Variants in ATP9B observed in about 807,000 individuals in gnomAD.
The protein encoded by ATP9B is ATPase phospholipid transporting 9B.
ATP9B carries 110 observed loss-of-function variants against 146.1 expected under a neutral mutation model. The ratio of observed to expected loss-of-function variants is 0.75; its 90% CI spans 0.65 to 0.88. The LOEUF (loss-of-function observed/expected upper bound fraction) is 0.88. ATP9B is among the 40% of genes least tolerant of loss of function. The pLI, the probability that ATP9B is intolerant of heterozygous loss-of-function variation, is 0.00. For synonymous variants in ATP9B, 604 were observed against 569.7 expected, an observed-to-expected ratio of 1.06 and a Z score of -0.86; for missense variants, 1,499 against 1,496.4, an observed-to-expected ratio of 1.00 and a Z score of -0.03.
chr18:79,087,437 G>A (rs1054978156), intron 1 of ATP9B: 1 of 152,200 alleles, frequency 6.6e-6, no homozygotes, highest in Non-Finnish European at 1.5e-5. Flanking sequence ...ACTTATCAAT[G>A]ACAGTTGAAA....
chr18:79,179,811 G>C (rs1486988512), intron 8 of ATP9B, among the ~76,000 whole-genome samples: 1 of 152,146 alleles, frequency 6.6e-6, no homozygotes, highest in East Asian at 1.9e-4. Context: ...CAAGCTAATG[G>C]AAAGTGTTGT....
chr18:79,329,622 TA>T, intron 16 of ATP9B, among the ~76,000 whole-genome samples: 1 of 152,338 alleles, frequency 6.6e-6, no homozygotes, highest in African/African-American at 2.4e-5. Context: ...TTGACTTTTG[TA>T]CATTGATTTA....
chr18:79,071,422 G>T (rs369609561), intron 1 of ATP9B, among the ~76,000 whole-genome samples: 1 of 12,864 alleles, frequency 7.8e-5, no homozygotes, highest in African/African-American at 2.1e-4. Flanking sequence ...TTGAGACAGG[G>T]TCTCACTCTG....
At chr18:79,348,306 C>A (rs1238054380) in intron 25 of ATP9B, 110 bp downstream of exon 25, 3 of 1,055,986 alleles carry the variant, frequency 2.8e-6, no homozygotes, top group South Asian at 1.4e-5. Flanking sequence ...ATACAGTCAT[C>A]ATTTAGAATG....
At chr18:79,204,198 A>T (rs2095514336) in intron 9 of ATP9B, among the ~76,000 whole-genome samples, 1 of 152,178 alleles carries the variant, frequency 6.6e-6, no homozygotes, top group Admixed American at 6.5e-5. Context: ...TTTCTGTGGA[A>T]AAAACAAGAA....
intron 13 of ATP9B, among the ~76,000 whole-genome samples, chr18:79,298,203 TTATC>T (rs944163035): frequency 1.4e-5 from 2 of 146,744 alleles, no homozygotes; most frequent in African/African-American, 2.5e-5. Flanking sequence ...GATGGAATAA[TTATC>T]TACCTAGAAA....
At chr18:79,302,706 A>G (rs908364251) in intron 13 of ATP9B, among the ~76,000 whole-genome samples, 3 of 152,178 alleles carry the variant, frequency 2.0e-5, no homozygotes, top group Non-Finnish European at 4.4e-5. Context: ...GCACATTCAG[A>G]TAGCCCAGTA....
At chr18:79,131,175 G>C (rs778254418) in intron 5 of ATP9B, among the ~76,000 whole-genome samples, 1 of 151,996 alleles carries the variant, frequency 6.6e-6, no homozygotes, top group Admixed American at 6.6e-5. Flanking sequence ...AAAAAAAGTT[G>C]TTAAGACATT....
intron 13 of ATP9B, among the ~76,000 whole-genome samples, chr18:79,303,141 C>T (rs1423783989): frequency 6.6e-6 from 1 of 152,094 alleles, no homozygotes; most frequent in Admixed American, 6.5e-5. Flanking sequence ...TTTAGGAGGC[C>T]AAGACAGAAG....
intron 26 of ATP9B, among the ~76,000 whole-genome samples, chr18:79,370,017 T>G (rs1302467111): frequency 6.6e-6 from 1 of 152,152 alleles, no homozygotes; most frequent in African/African-American, 2.4e-5. Flanking sequence ...GAGAATCGCT[T>G]GAACCTGGGA....
At chr18:79,321,382 CA>C (rs1285832294) in intron 15 of ATP9B, among the ~76,000 whole-genome samples, 3 of 85,896 alleles carry the variant, frequency 3.5e-5, no homozygotes, top group South Asian at 5.5e-4. Context: ...TTTCATCTAG[CA>C]ATTTTTTTTT....
chr18:79,168,610 A>C (rs1462290396), intron 7 of ATP9B, among the ~76,000 whole-genome samples: 4 of 152,306 alleles, frequency 2.6e-5, no homozygotes, highest in South Asian at 4.1e-4. Flanking sequence ...CAGATATTGC[A>C]GATAGGCCAT....
rs376462181 is a variant in ATP9B, at chr18:79,263,855, C to T, written c.1268+10314C>T. Among the ~76,000 whole-genome samples, 989 of 152,256 alleles carry T rather than the reference C, an allele frequency of 6.5e-3. 5 individuals are homozygous for T. Among genetic ancestry groups the T allele is most frequent in the African/African-American group, 0.022 (925 of 41,542 alleles). ...ATCCCAGCACTTTGGGAGGCCGAGG[C>T]GGGTGGATCACGAGGTCAGGAGATC... On this transcript the variant is annotated intron_variant, in intron 12 of 29. Transcript: ENST00000426216.
intron 6 of ATP9B, among the ~76,000 whole-genome samples, chr18:79,151,770 C>A (rs1330917135): frequency 1.3e-5 from 2 of 149,692 alleles, no homozygotes; most frequent in Admixed American, 6.7e-5. Flanking sequence ...ATGTGCAGAA[C>A]GTGCAAGTTT....
chr18:79,302,366 G>A (rs544788517), intron 13 of ATP9B, among the ~76,000 whole-genome samples: 89 of 145,176 alleles, frequency 6.1e-4, no homozygotes, highest in African/African-American at 2.0e-3. Context: ...AGCACCACGC[G>A]TGGCACCACG....
intron 11 of ATP9B, among the ~76,000 whole-genome samples, chr18:79,220,493 C>A (rs1247028633): frequency 6.6e-6 from 1 of 152,018 alleles, no homozygotes; most frequent in Non-Finnish European, 1.5e-5. Flanking sequence ...ACCAGCTACT[C>A]AGGAGGCTGA....
chr18:79,187,656 G>C (rs1168965490), intron 8 of ATP9B, among the ~76,000 whole-genome samples: 3 of 152,182 alleles, frequency 2.0e-5, no homozygotes, highest in African/African-American at 7.2e-5. Context: ...GCTGAATGGA[G>C]TGCACAAAAC....
intron 1 of ATP9B, chr18:79,087,718 AC>A (rs1568389732): frequency 1.3e-5 from 2 of 152,310 alleles, no homozygotes; most frequent in Non-Finnish European, 2.9e-5. Context: ...TTACTTAGTA[AC>A]TTTTACTTAG....
chr18:79,306,955 C>T (rs765617923), intron 14 of ATP9B, 31 bp from the exon 15 acceptor site: 3 of 1,611,314 alleles, frequency 1.9e-6, no homozygotes, highest in East Asian at 4.5e-5. Context: ...TTTGCTCTAT[C>T]TTTAATTATG....
Sources: gnomAD v4.1 joint callset for allele counts (sites outside exome capture counted in the v4.1 genomes callset) on GRCh38, gnomAD v4.1.1 for gene constraint, MANE v1.5 for transcripts, NCBI Gene and HGNC (gene_info 2026-07-23, HGNC 2026-07-21) for gene names.